The following CUX2 variants were observed in gnomAD, a reference collection of about 807,000 sequenced individuals.
The protein encoded by CUX2 is homeobox protein cut-like 2.
CUX2 carries 40 observed loss-of-function variants against 144.8 expected under a neutral mutation model. The ratio of observed to expected loss-of-function variants is 0.28; its 90% CI spans 0.21 to 0.36. CUX2 has a LOEUF of 0.36. Ranked by LOEUF, CUX2 falls within the 10% of genes least tolerant of loss-of-function variation. CUX2 has a pLI of 1.00. For missense variants in CUX2, 1,615 were observed against 1,994.0 expected, an observed-to-expected ratio of 0.81 and a Z score of 3.62; for synonymous variants, 827 against 875.6, an observed-to-expected ratio of 0.94 and a Z score of 0.98.
At chr12:111,327,096 C>A (rs1037582046) in intron 18 of CUX2, among the ~76,000 whole-genome samples, 1 of 152,190 alleles carries the variant, frequency 6.6e-6, no homozygotes, top group Non-Finnish European at 1.5e-5. Flanking sequence ...ATCCTCCTTC[C>A]CCCCAGCTCC....
Position 111,320,186 on chromosome 12 carries a change from C to A in CUX2, c.2177C>A (p.Ser726Ter). ...CCCAGGGGCCGCTCGGTGCCCCCCT[C>A]GCCCCCGGAGCGGCCATCACTGGCC... ...VAPRGRSVPP[S>*]PPERPSLATA... The change falls in exon 17 of 22, where the codon TCG becomes TAG. Residue 726 changes from serine to a stop codon, truncating the protein, a stop_gained. Coordinates refer to ENST00000261726, the MANE Select transcript of CUX2 (RefSeq NM_015267.4). LOFTEE classifies it high-confidence loss of function. This position sits in a 1 kb window ranked among gnomAD's most constrained non-coding sequence, Gnocchi z 8.1. 1 of 1,531,302 alleles carries A rather than the reference C, an allele frequency of 6.5e-7. No homozygotes were observed. Among genetic ancestry groups the A allele is most frequent in the East Asian group, 2.4e-5 (1 of 41,208 alleles). The allele number at this position is 1,531,302 out of a possible 1,614,324, so 94.9% of individuals were successfully genotyped here.
intron 21 of CUX2, among the ~76,000 whole-genome samples, chr12:111,343,230 G>T (rs1318681866): frequency 6.6e-6 from 1 of 152,050 alleles, no homozygotes; most frequent in East Asian, 1.9e-4. Context: ...CCACCTCAGA[G>T]AGTGGGTGAT....
intron 1 of CUX2, 27 bp from the exon 2 acceptor site, chr12:111,214,173 C>CTT (rs373389929): frequency 0.013 from 13,077 of 1,000,408 alleles, 348 homozygotes; most frequent in African/African-American, 0.11. Context: ...CTCTCTCTCT[C>CTT]TTTTTTTTTT....
At chr12:111,041,358 G>A (rs918665697) in intron 1 of CUX2, among the ~76,000 whole-genome samples, 3 of 152,210 alleles carry the variant, frequency 2.0e-5, no homozygotes, top group Non-Finnish European at 2.9e-5. Context: ...AACAGCAGCG[G>A]CTGGAACTTG....
intron 1 of CUX2, among the ~76,000 whole-genome samples, chr12:111,104,422 G>A (rs1414688006): frequency 3.3e-5 from 5 of 152,176 alleles, no homozygotes; most frequent in African/African-American, 1.2e-4. Context: ...ATTATCTTCT[G>A]AACCCCATCA....
chr12:111,257,370 CCCA>C (rs1318561343), intron 3 of CUX2, among the ~76,000 whole-genome samples: 1 of 92,204 alleles, frequency 1.1e-5, no homozygotes, highest in African/African-American at 4.3e-5. Context: ...TCCTCCTCCT[CCCA>C]CTTCTTCCTC....
intron 1 of CUX2, among the ~76,000 whole-genome samples, chr12:111,152,888 TAAAG>T (rs1319364808): frequency 6.6e-6 from 1 of 152,012 alleles, no homozygotes; most frequent in East Asian, 1.9e-4. Context: ...TCCAGAAACA[TAAAG>T]AAGGCACCTT....
intron 1 of CUX2, among the ~76,000 whole-genome samples, chr12:111,210,557 G>C (rs1470897155): frequency 6.6e-6 from 1 of 152,152 alleles, no homozygotes; most frequent in Non-Finnish European, 1.5e-5. Flanking sequence ...ACTTTGGGAG[G>C]CCACAGCAGG....
intron 1 of CUX2, among the ~76,000 whole-genome samples, chr12:111,176,022 CTCT>C (rs1209886278): frequency 8.9e-4 from 122 of 137,598 alleles, no homozygotes; most frequent in African/African-American, 9.9e-4. Context: ...TTTGAGGAGT[CTCT>C]TCTTCTTCTT....
intron 1 of CUX2, among the ~76,000 whole-genome samples, chr12:111,176,792 G>A (rs1489554377): frequency 6.6e-6 from 1 of 152,176 alleles, no homozygotes; most frequent in Non-Finnish European, 1.5e-5. Flanking sequence ...GGCCCACACA[G>A]ATCTGAACTC....
Position 111,091,834 on chromosome 12 carries a change from G to A in CUX2, c.63+57594G>A, listed in dbSNP as rs530860641. 1.3e-3 allele frequency among the ~76,000 whole-genome samples: 193 copies of A among 152,248 alleles called. No homozygotes were observed. In the Middle Eastern group the frequency reaches 0.024, roughly 19 times the overall value. ...CCCTGGCTTGTGGCCGCATCACTAG[G>A]ATCTTGCCTCCATCACCACATGACT... On this transcript the variant is annotated intron_variant, in intron 1 of 21. Coordinates refer to ENST00000261726, the MANE Select transcript of CUX2 (RefSeq NM_015267.4).
intron 1 of CUX2, among the ~76,000 whole-genome samples, chr12:111,048,239 G>A (rs1159619401): frequency 6.6e-6 from 1 of 152,220 alleles, no homozygotes; most frequent in Non-Finnish European, 1.5e-5. Flanking sequence ...CAGCCTGATA[G>A]GAAACATTGA....
At chr12:111,098,904 G>A (rs1365623902) in intron 1 of CUX2, among the ~76,000 whole-genome samples, 3 of 152,248 alleles carry the variant, frequency 2.0e-5, no homozygotes, top group Non-Finnish European at 4.4e-5. Context: ...GGGGAGCACC[G>A]CAGACTGCCT....
chr12:111,056,720 G>A (rs1404686611), intron 1 of CUX2, among the ~76,000 whole-genome samples: 1 of 152,254 alleles, frequency 6.6e-6, no homozygotes, highest in Non-Finnish European at 1.5e-5. Flanking sequence ...GGTGGAAGGA[G>A]TGTCAAGGTC....
chr12:111,124,880 G>A lies in CUX2; in HGVS notation c.64-89320G>A, dbSNP rs373092725. Among the ~76,000 whole-genome samples, 233 of 152,298 alleles carry A rather than the reference G, an allele frequency of 1.5e-3. 1 individual carries two copies. Among genetic ancestry groups the A allele is most frequent in the South Asian group, 9.7e-3 (47 of 4,830 alleles). ...TGATGTTTAGCTCCCACATACAGGT[G>A]AGAACATGCGGTATTTAGTCTTCTG... On this transcript the variant is annotated intron_variant, in intron 1 of 21. Coordinates refer to ENST00000261726, the MANE Select transcript of CUX2 (RefSeq NM_015267.4).
At chr12:111,330,726 T>TATACATATAC (rs1565926279) in intron 18 of CUX2, among the ~76,000 whole-genome samples, 2 of 55,846 alleles carry the variant, frequency 3.6e-5, no homozygotes, top group East Asian at 3.5e-4. Flanking sequence ...TATATATATA[T>TATACATATAC]ATATATATAT....
intron 4 of CUX2, among the ~76,000 whole-genome samples, chr12:111,286,425 T>A (rs1885384949): frequency 6.6e-6 from 1 of 152,178 alleles, no homozygotes; most frequent in South Asian, 2.1e-4. Flanking sequence ...ATATCTTTTT[T>A]AAATCTTCCC....
rs147389725 is a variant in CUX2 at position 111,322,321 on chromosome 12, C to CAAAAAAAAA, written c.2767-85_2767-77dup. 44 of 762,138 alleles carry CAAAAAAAAA rather than the reference C, an allele frequency of 5.8e-5. No homozygotes were observed. Among genetic ancestry groups the CAAAAAAAAA allele is most frequent in the African/African-American group, 3.0e-4 (12 of 40,334 alleles). 47.2% of individuals were successfully genotyped at this position (762,138 alleles called of 1,614,324 possible). ...CGACAGACAAAGCGAGACTCTGCCT[C>CAAAAAAAAA]AAAAAAAAAAAAAAAAAAAAAAAGG... On this transcript the variant is annotated intron_variant, in intron 17 of 21. Transcript: ENST00000261726. This position sits in a 1 kb window ranked among gnomAD's most constrained non-coding sequence, Gnocchi z 4.2.
At chr12:111,142,548 C>T in intron 1 of CUX2, among the ~76,000 whole-genome samples, 1 of 138,864 alleles carries the variant, frequency 7.2e-6, no homozygotes, top group Admixed American at 7.1e-5. Context: ...AAAAAAAAAA[C>T]AGAAATGGGC....
Sources: gnomAD v4.1 joint callset for allele counts (sites outside exome capture counted in the v4.1 genomes callset) on GRCh38, gnomAD v4.1.1 for gene constraint, Gnocchi (gnomAD v3.1) non-coding constraint, MANE v1.5 for transcripts, NCBI Gene and HGNC (gene_info 2026-07-23, HGNC 2026-07-21) for gene names.